Variants in RBFOX1 observed in about 807,000 individuals in gnomAD.
RBFOX1 encodes RNA binding protein fox-1 homolog 1.
Under a neutral mutation model 57.7 loss-of-function variants are expected in RBFOX1, and 8 were observed. The ratio of observed to expected loss-of-function variants is 0.14; its 90% CI spans 0.08 to 0.25. The LOEUF (loss-of-function observed/expected upper bound fraction) is 0.25. Among genes scored for constraint, RBFOX1 ranks in the 10% least tolerant of loss-of-function variants. The pLI, the probability that RBFOX1 is intolerant of heterozygous loss-of-function variation, is 1.00. For synonymous variants in RBFOX1, 326 were observed against 222.4 expected (o/e 1.47, Z -4.15); for missense variants, 611 against 548.5 (o/e 1.11, Z -1.14).
chr16:6,544,729 C>G (rs529864344), intron 2 of RBFOX1, among the ~76,000 whole-genome samples: 1 of 152,134 alleles, frequency 6.6e-6, no homozygotes. Context: ...ACCTCAGTTT[C>G]CTTGTTTGTC....
At chr16:5,837,542 C>T (rs967635501) in intron 3 of RBFOX1, among the ~76,000 whole-genome samples, 1 of 152,024 alleles carries the variant, frequency 6.6e-6, no homozygotes, top group Non-Finnish European at 1.5e-5. Flanking sequence ...CACACAGTCC[C>T]TTGTGTTGGG....
intron 3 of RBFOX1, among the ~76,000 whole-genome samples, chr16:6,671,661 A>C (rs1392668583): frequency 1.3e-5 from 2 of 152,146 alleles, no homozygotes; most frequent in Admixed American, 6.5e-5. Context: ...TATCATTCTT[A>C]CGCCTTTGCA....
intron 4 of RBFOX1, among the ~76,000 whole-genome samples, chr16:7,192,051 G>C (rs763243696): frequency 6.6e-6 from 1 of 152,084 alleles, no homozygotes; most frequent in Non-Finnish European, 1.5e-5. Flanking sequence ...TTAATCTATT[G>C]ATGCCCTGTC....
intron 3 of RBFOX1, among the ~76,000 whole-genome samples, chr16:6,863,189 T>A (rs1224231908): frequency 6.6e-6 from 1 of 152,034 alleles, no homozygotes; most frequent in Non-Finnish European, 1.5e-5. Context: ...CTTGCCTGAA[T>A]TACTTTTTGG....
intron 2 of RBFOX1, among the ~76,000 whole-genome samples, chr16:6,557,043 ATACAT>A (rs2097110704): frequency 3.8e-5 from 5 of 130,582 alleles, no homozygotes; most frequent in African/African-American, 1.8e-4. Context: ...ACACATATAT[ATACAT>A]ATATATACAT....
intron 4 of RBFOX1, among the ~76,000 whole-genome samples, chr16:7,178,102 A>G (rs1266380029): frequency 6.6e-6 from 1 of 152,180 alleles, no homozygotes; most frequent in African/African-American, 2.4e-5. Context: ...GTTACAAATA[A>G]CCCCCAGGAT....
chr16:6,796,928 A>G (rs917465397), intron 3 of RBFOX1, among the ~76,000 whole-genome samples: 3 of 152,218 alleles, frequency 2.0e-5, no homozygotes, highest in Non-Finnish European at 2.9e-5. Context: ...CCACATCTCA[A>G]ATTGGAAATC....
rs140430629 is a variant in RBFOX1, at chr16:7,130,813, G to A, written c.27+78715G>A. On this transcript the variant is annotated intron_variant, in intron 4 of 15. Transcript: ENST00000550418. ...TAAAAAATGGAGGAAAACTGAGTGG[G>A]GAACAAGAACACTTTCTCATCTCAT... Among the ~76,000 whole-genome samples, 669 of 152,218 alleles carry A rather than the reference G, an allele frequency of 4.4e-3. 5 individuals are homozygous for A. Among genetic ancestry groups the A allele is most frequent in the South Asian group, 9.1e-3 (44 of 4,816 alleles).
At chr16:6,288,283 G>A (rs1420034) in intron 1 of RBFOX1, among the ~76,000 whole-genome samples, 146,482 of 152,266 alleles carry the variant, frequency 0.96, 70,732 homozygotes, top group East Asian at 1. Flanking sequence ...GTGCATATGA[G>A]TCATGTAGAG....
intron 4 of RBFOX1, among the ~76,000 whole-genome samples, chr16:5,954,673 C>G (rs2059587958): frequency 6.6e-6 from 1 of 152,052 alleles, no homozygotes; most frequent in Admixed American, 6.5e-5. Context: ...TCAGTAATCA[C>G]CCCTTAACTC....
intron 3 of RBFOX1, among the ~76,000 whole-genome samples, chr16:6,852,151 G>A (rs1436287071): frequency 1.3e-5 from 2 of 152,100 alleles, no homozygotes; most frequent in Non-Finnish European, 2.9e-5. Flanking sequence ...GTGATCTGAT[G>A]TCTGAAATCA....
intron 4 of RBFOX1, among the ~76,000 whole-genome samples, chr16:7,203,739 C>G (rs1203566966): frequency 6.6e-6 from 1 of 152,184 alleles, no homozygotes; most frequent in African/African-American, 2.4e-5. Flanking sequence ...TTGCAAATAT[C>G]TGCTTGGTTA....
intron 4 of RBFOX1, among the ~76,000 whole-genome samples, chr16:7,217,671 A>G (rs2092319920): frequency 6.6e-6 from 1 of 152,168 alleles, no homozygotes; most frequent in Non-Finnish European, 1.5e-5. Context: ...GTTTTTAATC[A>G]TAGGGGGAAG....
chr16:6,500,194 A>G (rs534601969), intron 2 of RBFOX1, among the ~76,000 whole-genome samples: 5 of 152,346 alleles, frequency 3.3e-5, no homozygotes, highest in African/African-American at 1.2e-4. Flanking sequence ...TCATCATGCT[A>G]CAATTAAAAG....
intron 3 of RBFOX1, among the ~76,000 whole-genome samples, chr16:7,026,795 G>A (rs1032298269): frequency 1.4e-4 from 22 of 152,172 alleles, no homozygotes; most frequent in African/African-American, 5.3e-4. Flanking sequence ...ACCTTTAAAT[G>A]AGATTTAGAA....
At chr16:7,274,482 TG>T (rs932909195) in intron 4 of RBFOX1, among the ~76,000 whole-genome samples, 1 of 152,092 alleles carries the variant, frequency 6.6e-6, no homozygotes, top group African/African-American at 2.4e-5. Flanking sequence ...CTTCTTAGCT[TG>T]GAGAATACAT....
intron 3 of RBFOX1, among the ~76,000 whole-genome samples, chr16:6,914,785 G>C (rs2072685614): frequency 6.6e-6 from 1 of 152,138 alleles, no homozygotes; most frequent in Non-Finnish European, 1.5e-5. Context: ...GAAGCAAGGA[G>C]GCAGAAACAA....
chr16:5,738,823 T>A (rs1298526776), intron 3 of RBFOX1, among the ~76,000 whole-genome samples: 2 of 152,120 alleles, frequency 1.3e-5, no homozygotes, highest in Non-Finnish European at 2.9e-5. Flanking sequence ...AAACATTAGC[T>A]TCTGCTGAAA....
At chr16:6,095,732 T>A (rs555828851) in intron 1 of RBFOX1, among the ~76,000 whole-genome samples, 8 of 149,158 alleles carry the variant, frequency 5.4e-5, no homozygotes, top group Middle Eastern at 7.1e-3. Context: ...AGACATGGAG[T>A]TGAGACAGCA....
Sources: allele counts gnomAD v4.1 joint callset (sites outside exome capture counted in the v4.1 genomes callset), GRCh38; gene constraint gnomAD v4.1.1; transcripts MANE v1.5; gene names NCBI Gene and HGNC (gene_info 2026-07-23, HGNC 2026-07-21).